Variants in PDE1C observed in about 807,000 individuals in gnomAD.
PDE1C encodes the protein phosphodiesterase 1C, also known as dual specificity calcium/calmodulin-dependent 3',5'-cyclic nucleotide phosphodiesterase 1C.
A neutral mutation model predicts 93.1 loss-of-function variants in PDE1C; 62 were observed. The observed-to-expected ratio is 0.67, with a 90% CI of 0.54 to 0.82. The LOEUF is 0.82. PDE1C is among the 40% of genes least tolerant of loss of function. PDE1C has a pLI of 0.00. For missense variants in PDE1C, 742 were observed against 884.6 expected (o/e 0.84, Z 2.04); for synonymous variants, 325 against 310.1 (o/e 1.05, Z -0.50).
At chr7:32,289,471 T>A (rs1248413104) in intron 1 of PDE1C, among the ~76,000 whole-genome samples, 1 of 152,210 alleles carries the variant, frequency 6.6e-6, no homozygotes, top group African/African-American at 2.4e-5. Context: ...TAACAACTTA[T>A]CAATTCACAT....
At chr7:32,267,624 T>TCTCTCTCTCTCTCTCTCTC (rs1810699070) in intron 1 of PDE1C, among the ~76,000 whole-genome samples, 2 of 131,102 alleles carry the variant, frequency 1.5e-5, no homozygotes, top group African/African-American at 5.6e-5. Context: ...TCTCTCTCTC[T>TCTCTCTCTCTCTCTCTCTC]AACAGCCCAG....
chr7:32,066,956 T>C (rs1772344215), intron 1 of PDE1C, among the ~76,000 whole-genome samples: 2 of 152,142 alleles, frequency 1.3e-5, no homozygotes. Flanking sequence ...CTTAGAGAAA[T>C]GGGAGCATGT....
chr7:31,940,434 T>C (rs1314319325), intron 2 of PDE1C, among the ~76,000 whole-genome samples: 2 of 152,212 alleles, frequency 1.3e-5, no homozygotes, highest in African/African-American at 2.4e-5. Flanking sequence ...GTAGAGTTCA[T>C]GATTCATCCT....
chr7:31,877,392 CAGTG>C (rs1316543778), intron 5 of PDE1C, among the ~76,000 whole-genome samples: 2 of 152,182 alleles, frequency 1.3e-5, no homozygotes, highest in East Asian at 3.9e-4. Context: ...ACATTTGGCT[CAGTG>C]AGAGTCTTTG....
At chr7:31,704,609 G>A in the PDE1C span, among the ~76,000 whole-genome samples, 4,605 of 152,336 alleles carry the variant, frequency 0.03, 225 homozygotes, top group African/African-American at 0.1. Flanking sequence ...TTCCTACAAT[G>A]TGAAATATGC....
At chr7:32,295,969 T>C (rs34032461) in intron 1 of PDE1C, among the ~76,000 whole-genome samples, 2 of 151,210 alleles carry the variant, frequency 1.3e-5, no homozygotes, top group Non-Finnish European at 2.9e-5. Context: ...TTTATCATGG[T>C]GAAAATTAAA....
At chr7:32,098,848 G>A (rs140146295) in intron 3 of PDE1C, among the ~76,000 whole-genome samples, 2 of 152,304 alleles carry the variant, frequency 1.3e-5, no homozygotes, top group East Asian at 3.9e-4. Flanking sequence ...AGGATTCACA[G>A]GGAAAGAAAG....
At chr7:32,255,013 C>T (rs1809679249) in intron 1 of PDE1C, among the ~76,000 whole-genome samples, 1 of 152,150 alleles carries the variant, frequency 6.6e-6, no homozygotes, top group Non-Finnish European at 1.5e-5. Context: ...ATGCAGCCAG[C>T]CTAAGTTAGA....
At chr7:31,847,507 A>G (rs1425632914) in intron 9 of PDE1C, among the ~76,000 whole-genome samples, 1 of 152,122 alleles carries the variant, frequency 6.6e-6, no homozygotes, top group South Asian at 2.1e-4. Flanking sequence ...TAAAATTCAG[A>G]TTTAAGGAAT....
intron 1 of PDE1C, among the ~76,000 whole-genome samples, chr7:32,295,409 G>C (rs1812564502): frequency 6.6e-6 from 1 of 152,192 alleles, no homozygotes; most frequent in African/African-American, 2.4e-5. Context: ...ATTTCCTCTG[G>C]AGTCTTGGGA....
At chr7:32,373,345 T>C (rs1295602951) in intron 1 of PDE1C, among the ~76,000 whole-genome samples, 2 of 152,246 alleles carry the variant, frequency 1.3e-5, no homozygotes, top group East Asian at 3.8e-4. Context: ...CATTACACTG[T>C]GAAAGAAGCC....
At chr7:32,366,839 A>C (rs570989562) in intron 1 of PDE1C, among the ~76,000 whole-genome samples, 33 of 149,060 alleles carry the variant, frequency 2.2e-4, no homozygotes, top group Admixed American at 6.1e-4. Context: ...CCTGCCTAAC[A>C]TGGTGAAACC....
intron 2 of PDE1C, among the ~76,000 whole-genome samples, chr7:31,981,356 T>C (rs61710833): frequency 0.038 from 5,802 of 152,320 alleles, 199 homozygotes; most frequent in African/African-American, 0.092. Context: ...ATTTGAGGTT[T>C]GGTAGATAAG....
At chr7:31,755,081 A>G (rs1794369429) in intron 17 of PDE1C, among the ~76,000 whole-genome samples, 2 of 152,186 alleles carry the variant, frequency 1.3e-5, no homozygotes, top group African/African-American at 2.4e-5. Context: ...CAAGCACTCT[A>G]TTCTAGCTGA....
chr7:32,091,316 G>T (rs1052142976), intron 3 of PDE1C, among the ~76,000 whole-genome samples: 1 of 152,178 alleles, frequency 6.6e-6, no homozygotes, highest in African/African-American at 2.4e-5. Flanking sequence ...TCTTCTCTGA[G>T]ACTAAATAAA....
intron 16 of PDE1C, among the ~76,000 whole-genome samples, chr7:31,780,803 T>TTGTGTGTGTG (rs55970947): frequency 1.7e-4 from 26 of 149,612 alleles, no homozygotes; most frequent in African/African-American, 5.7e-4. Context: ...ACGTGTGCAT[T>TTGTGTGTGTG]TGTGTGTGTG....
chr7:32,103,724 G>A (rs1392066274), intron 3 of PDE1C, among the ~76,000 whole-genome samples: 1 of 152,074 alleles, frequency 6.6e-6, no homozygotes, highest in Non-Finnish European at 1.5e-5. Context: ...TAAATGATAT[G>A]AGTCAAAAAC....
Position 31,848,020 on chromosome 7 carries a change from G to T in PDE1C, c.928C>A (p.Gln310Lys). ...AAAATATTCATTTCCTCGTCATCTTGCAGAAGGCGATAAGCTGCACTTAAA... is the reference window on the plus strand; with the variant it reads ...AAAATATTCATTTCCTCGTCATCTTTCAGAAGGCGATAAGCTGCACTTAAA... ...HHLSAAYRLL[Q>K]DDEEMNILIN... The change falls in exon 9 of 18, where the codon CAA (glutamine) becomes AAA (lysine). Residue 310 changes from glutamine (Q) to lysine (K), a missense_variant. Gln to Lys is a moderately conservative substitution (Grantham distance 53, BLOSUM62 1). Coordinates refer to ENST00000396191, the MANE Select transcript of PDE1C (RefSeq NM_001191057.4). 2 of 1,612,596 alleles carry T rather than the reference G, an allele frequency of 1.2e-6. No homozygotes were observed. The highest frequency in any genetic ancestry group is 8.5e-7 in the Non-Finnish European group (1 of 1,179,108).
chr7:31,646,949 T>C, the PDE1C span, among the ~76,000 whole-genome samples: 1 of 152,218 alleles, frequency 6.6e-6, no homozygotes, highest in Non-Finnish European at 1.5e-5. Context: ...ATATAAGGTT[T>C]TACCAGATGA....
Sources: gnomAD v4.1 joint callset for allele counts (sites outside exome capture counted in the v4.1 genomes callset) on GRCh38, gnomAD v4.1.1 for gene constraint, MANE v1.5 for transcripts, NCBI Gene and HGNC (gene_info 2026-07-23, HGNC 2026-07-21) for gene names.